The following SCN9A variants were observed in gnomAD, a reference collection of about 807,000 sequenced individuals.
The protein encoded by SCN9A is sodium voltage-gated channel alpha subunit 9, also known as sodium channel protein type 9 subunit alpha.
In SCN9A, 131 loss-of-function variants were observed where a neutral mutation model predicts 187.0. The ratio of observed to expected loss-of-function variants is 0.70; its 90% CI spans 0.61 to 0.81. The LOEUF is 0.81. SCN9A is among the 30% of genes least tolerant of loss of function. The pLI, the probability that SCN9A is intolerant of heterozygous loss-of-function variation, is 0.00. For synonymous variants in SCN9A, 809 were observed against 808.6 expected (o/e 1.00, Z -0.01); for missense variants, 2,252 against 2,396.6 (o/e 0.94, Z 1.26).
chr2:166,213,091 A>G (rs1694166852), intron 24 of SCN9A, among the ~76,000 whole-genome samples: 1 of 152,118 alleles, frequency 6.6e-6, no homozygotes, highest in Non-Finnish European at 1.5e-5. Flanking sequence ...AAAAGAACAA[A>G]CTAAGCCCAA....
In SCN9A at chr2:166,321,892, C is replaced by T. The variant is rs1699254706; in HGVS notation, c.-50-10086G>A. On this transcript the variant is annotated intron_variant, in intron 1 of 26. Coordinates refer to ENST00000642356, the MANE Select transcript of SCN9A (RefSeq NM_001365536.1). ...GTTTTGCTCATACTCACTCATCCCT[C>T]ATCCTCCAAACCTGTCAGCTCTAAA... Among the ~76,000 whole-genome samples, 3 of 151,092 alleles carry T rather than the reference C, an allele frequency of 2.0e-5. No homozygotes were observed. In the Admixed American group the frequency reaches 2.0e-4, roughly 10 times the overall value.
intron 16 of SCN9A, among the ~76,000 whole-genome samples, chr2:166,274,485 G>A (rs896295165): frequency 3.3e-5 from 5 of 151,926 alleles, no homozygotes; most frequent in African/African-American, 1.2e-4. Context: ...GCAATAAAAT[G>A]ATCAAAAGAA....
At chr2:166,235,615 C>A (rs1194416754) in intron 20 of SCN9A, among the ~76,000 whole-genome samples, 4 of 151,864 alleles carry the variant, frequency 2.6e-5, no homozygotes, top group Admixed American at 2.6e-4. Context: ...CATGTGCCAA[C>A]GTTTTCAGTT....
chr2:166,246,856 G>C (rs1002665861), intron 18 of SCN9A, among the ~76,000 whole-genome samples: 1 of 151,840 alleles, frequency 6.6e-6, no homozygotes, highest in East Asian at 1.9e-4. Flanking sequence ...TTGCCCTCAG[G>C]GTTTATTACA....
At chr2:166,325,683 G>A (rs6726575) in intron 1 of SCN9A, among the ~76,000 whole-genome samples, 38,293 of 151,834 alleles carry the variant, frequency 0.25, 5,845 homozygotes, top group African/African-American at 0.43. Flanking sequence ...TAATGATGCC[G>A]TTAAGGTACA....
intron 1 of SCN9A, among the ~76,000 whole-genome samples, chr2:166,354,068 A>C (rs1230400188): frequency 6.6e-6 from 1 of 152,116 alleles, no homozygotes; most frequent in Non-Finnish European, 1.5e-5. Context: ...ATTTTCTAAG[A>C]TTTTTCAGTG....
chr2:166,282,850 G>T (rs552066517), intron 12 of SCN9A, among the ~76,000 whole-genome samples: 1 of 152,040 alleles, frequency 6.6e-6, no homozygotes, highest in South Asian at 2.1e-4. Flanking sequence ...GAAAAGTCTC[G>T]AAAACCAGGT....
At chr2:166,308,925 CAAAAAAAAA>C (rs397986566) in intron 2 of SCN9A, among the ~76,000 whole-genome samples, 1 of 78,154 alleles carries the variant, frequency 1.3e-5, no homozygotes, top group Non-Finnish European at 2.4e-5. Flanking sequence ...GACTCTGTCT[CAAAAAAAAA>C]AAAAAAAAAA....
chr2:166,209,111 T>C (rs913825086), intron 24 of SCN9A, among the ~76,000 whole-genome samples: 4 of 152,160 alleles, frequency 2.6e-5, no homozygotes, highest in African/African-American at 9.7e-5. Context: ...TGAGAGACTC[T>C]CAGTATCTCT....
rs1698783279 is a variant in SCN9A at position 166,307,033 on chromosome 2, G to C, written c.300C>G (p.Phe100Leu). ...GCATATATAAAGCAGGTGTGGCATTGAAACGGAAGATTGTTTTCCCTTTGT... is the reference window on the plus strand; with the variant it reads ...GCATATATAAAGCAGGTGTGGCATTCAAACGGAAGATTGTTTTCCCTTTGT... ...VLNKGKTIFR[F>L]NATPALYMLS... is the part of the protein sequence containing the mutation. The change falls in exon 3 of 27, where the codon TTC (phenylalanine) becomes TTG (leucine). Residue 100 changes from phenylalanine to leucine, a missense_variant. By Grantham distance (22) the Phe-to-Leu change is conservative. Transcript: ENST00000642356. The C allele has an allele frequency of 6.2e-7, 1 of 1,611,642 alleles. No individual in the cohort carries two copies.
At chr2:166,227,537 C>A in intron 23 of SCN9A, 133 bp downstream of exon 23, 1 of 659,506 alleles carries the variant, frequency 1.5e-6, no homozygotes, top group Non-Finnish European at 2.8e-6. Flanking sequence ...AACCACTAGG[C>A]TACTATCAGG....
At chr2:166,269,853 C>T (rs1255893221) in intron 17 of SCN9A, among the ~76,000 whole-genome samples, 1 of 152,038 alleles carries the variant, frequency 6.6e-6, no homozygotes, top group African/African-American at 2.4e-5. Flanking sequence ...TCCTGAAGTG[C>T]TTTAACACCT....
chr2:166,309,124 G>A (rs1698859203), intron 2 of SCN9A, among the ~76,000 whole-genome samples: 1 of 151,968 alleles, frequency 6.6e-6, no homozygotes, highest in Non-Finnish European at 1.5e-5. Flanking sequence ...GGGGAAGAAT[G>A]AGAGTGAAGA....
intron 1 of SCN9A, among the ~76,000 whole-genome samples, chr2:166,316,602 G>C (rs970251534): frequency 9.9e-5 from 15 of 152,186 alleles, no homozygotes; most frequent in Non-Finnish European, 1.6e-4. Context: ...GGCTGAGGCA[G>C]AGAATGGCGT....
chr2:166,238,382 A>G (rs1202111731), intron 19 of SCN9A, 115 bp from the exon 20 acceptor site: 2 of 699,268 alleles, frequency 2.9e-6, no homozygotes, highest in Non-Finnish European at 4.7e-6. Flanking sequence ...TAATATTGAC[A>G]TGGGCCAGCT....
At chr2:166,226,431 G>T in intron 24 of SCN9A, 136 bp downstream of exon 24, 2 of 637,278 alleles carry the variant, frequency 3.1e-6, no homozygotes, top group Non-Finnish European at 5.2e-6. Flanking sequence ...TTGTATACTA[G>T]TCAATTATTT....
At chr2:166,234,967 C>T (rs1235131739) in intron 20 of SCN9A, among the ~76,000 whole-genome samples, 2 of 151,994 alleles carry the variant, frequency 1.3e-5, no homozygotes, top group Non-Finnish European at 2.9e-5. Flanking sequence ...TTATAAAACC[C>T]AGTTTGGCTC....
chr2:166,253,854 A>G (rs1696153697), intron 17 of SCN9A, among the ~76,000 whole-genome samples: 1 of 151,830 alleles, frequency 6.6e-6, no homozygotes, highest in South Asian at 2.1e-4. Context: ...ATTAGACACA[A>G]TATTAACAAT....
intron 1 of SCN9A, among the ~76,000 whole-genome samples, chr2:166,325,400 G>T (rs1699338646): frequency 6.6e-6 from 1 of 152,200 alleles, no homozygotes; most frequent in Non-Finnish European, 1.5e-5. Flanking sequence ...AAGTAATCAT[G>T]CCTGGGAGGA....
Sources: gnomAD v4.1 joint callset for allele counts (sites outside exome capture counted in the v4.1 genomes callset) on GRCh38, gnomAD v4.1.1 for gene constraint, MANE v1.5 for transcripts, NCBI Gene and HGNC (gene_info 2026-07-23, HGNC 2026-07-21) for gene names.